The following PHF3 variants were observed in gnomAD, a reference collection of about 807,000 sequenced individuals.
The protein encoded by PHF3 is PHD finger protein 3.
Under a neutral mutation model 178.4 loss-of-function variants are expected in PHF3, and 41 were observed. The observed-to-expected ratio is 0.23, with a 90% confidence interval of 0.18 to 0.30. PHF3 has a LOEUF of 0.30. Among genes scored for constraint, PHF3 ranks in the 10% least tolerant of loss-of-function variants. The pLI, the probability that PHF3 is intolerant of heterozygous loss-of-function variation, is 1.00. For synonymous variants in PHF3, 842 were observed against 800.5 expected (o/e 1.05, Z -0.88); for missense variants, 2,346 against 2,398.1 (o/e 0.98, Z 0.45).
At chr6:63,693,216 TAATC>T (rs1767082100) in intron 5 of PHF3, among the ~76,000 whole-genome samples, 1 of 152,250 alleles carries the variant, frequency 6.6e-6, no homozygotes, top group South Asian at 2.1e-4. Flanking sequence ...CTAGTATTAA[TAATC>T]ACCTCTTACG....
chr6:63,666,764 T>C (rs560336152), intron 2 of PHF3, among the ~76,000 whole-genome samples: 4 of 152,044 alleles, frequency 2.6e-5, no homozygotes, highest in Non-Finnish European at 5.9e-5. Context: ...CCTTTTTTTT[T>C]TTTTTGAGAT....
rs988071101 is a variant in PHF3 at position 63,723,074 on chromosome 6, A to G, written c.*9366A>G. Among the ~76,000 whole-genome samples the G allele has an allele frequency of 1.3e-5, 2 of 152,158 alleles. No individual in the cohort carries two copies. Among genetic ancestry groups the G allele is most frequent in the Non-Finnish European group, 2.9e-5 (2 of 68,038 alleles). On this transcript the variant is annotated 3_prime_UTR_variant, in exon 16 of 16. Coordinates refer to ENST00000262043, the MANE Select transcript of PHF3 (RefSeq NM_001370348.2). ...ATAAATAGATGCTAAATAATTATTAAATAAAGAAATACGTTTGTAGGGTTG... is the reference window on the plus strand; with the variant it reads ...ATAAATAGATGCTAAATAATTATTAGATAAAGAAATACGTTTGTAGGGTTG...
chr6:63,637,129 A>G (rs1010371097), intron 1 of PHF3, among the ~76,000 whole-genome samples: 2 of 152,228 alleles, frequency 1.3e-5, no homozygotes, highest in African/African-American at 4.8e-5. Flanking sequence ...ATGTAGCGAT[A>G]TTTAATTTAA....
At chr6:63,676,894 T>A (rs955374596) in intron 2 of PHF3, among the ~76,000 whole-genome samples, 8 of 152,162 alleles carry the variant, frequency 5.3e-5, no homozygotes, top group South Asian at 4.1e-4. Context: ...GAGTAGCATG[T>A]TAGCTGGTCA....
At position 63,712,862 on chromosome 6, in the gene PHF3, A is replaced by G. The variant is rs778618850; in HGVS notation, c.5274A>G (p.Ser1758=). 6.2e-7 allele frequency: 1 copy of G among 1,613,968 alleles called. No homozygotes were observed. Among genetic ancestry groups the G allele is most frequent in the Non-Finnish European group, 8.5e-7 (1 of 1,179,974 alleles). ...CTGTGCACCCATTTCGAAGAGGATCAGCAGTAGCGACATCTCATTTTGAAG... is the reference window on the plus strand; with the variant it reads ...CTGTGCACCCATTTCGAAGAGGATCGGCAGTAGCGACATCTCATTTTGAAG... ...IETVHPFRRG[S]AVATSHFEVG... Residue 1758 remains serine (S), a synonymous_variant, in exon 16 of 16, where the codon TCA becomes TCG. Transcript: ENST00000262043.
chr6:63,695,060 TGAG>T (rs2149595023), intron 6 of PHF3, among the ~76,000 whole-genome samples: 1 of 152,240 alleles, frequency 6.6e-6, no homozygotes, highest in Admixed American at 6.5e-5. Flanking sequence ...TTTTACAGCT[TGAG>T]AAGAAAAAGT....
At chr6:63,655,106 C>T (rs1201557006) in intron 2 of PHF3, among the ~76,000 whole-genome samples, 2 of 151,950 alleles carry the variant, frequency 1.3e-5, no homozygotes, top group Non-Finnish European at 2.9e-5. Context: ...TCTTGTTGCT[C>T]AGGCTGTAGT....
At chr6:63,673,760 C>G (rs1343262629) in intron 2 of PHF3, among the ~76,000 whole-genome samples, 1 of 152,234 alleles carries the variant, frequency 6.6e-6, no homozygotes, top group Non-Finnish European at 1.5e-5. Context: ...AACTGAAAGT[C>G]TAACCTACCA....
At chr6:63,667,709 T>C (rs1765739533) in intron 2 of PHF3, among the ~76,000 whole-genome samples, 1 of 152,236 alleles carries the variant, frequency 6.6e-6, no homozygotes, top group Admixed American at 6.5e-5. Flanking sequence ...GTCTCTGCAC[T>C]CCTTTTTCCA....
intron 1 of PHF3, among the ~76,000 whole-genome samples, chr6:63,637,771 C>T (rs1307809441): frequency 6.6e-6 from 1 of 152,006 alleles, no homozygotes; most frequent in Admixed American, 6.6e-5. Flanking sequence ...AGTCCCGAAA[C>T]GGGCTACTTT....
Position 63,684,756 on chromosome 6 carries a change from C to T in PHF3, c.1034C>T (p.Ser345Phe). The change falls in exon 4 of 16, where the codon TCT becomes TTT. Residue 345 changes from serine (S) to phenylalanine (F), a missense_variant. Physicochemically the swap from Ser to Phe is radical, Grantham distance 155. Around this residue, in one of 8 missense-constraint regions of PHF3, gnomAD observed 843 missense variants for 795.2 expected, o/e 1.06. Transcript: ENST00000262043. ...ILEDAGSSDI[S>F]SDAACTNPNK... Reference sequence around the variant, plus strand: ...GAGGACGCTGGATCTTCTGATATTTCTAGTGATGCTGCTTGTACAAATCCA... The same window carrying T: ...GAGGACGCTGGATCTTCTGATATTTTTAGTGATGCTGCTTGTACAAATCCA... 1.2e-6 allele frequency: 2 copies of T among 1,613,944 alleles called. No individual in the cohort carries two copies. The highest frequency in any genetic ancestry group is 1.7e-5 in the Admixed American group (1 of 60,020).
At chr6:63,673,583 A>T (rs1389551042) in intron 2 of PHF3, among the ~76,000 whole-genome samples, 1 of 152,212 alleles carries the variant, frequency 6.6e-6, no homozygotes, top group Non-Finnish European at 1.5e-5. Context: ...TACAACAATC[A>T]GTAAATTGAT....
chr6:63,709,164 G>A lies in PHF3; in HGVS notation c.3725G>A (p.Ser1242Asn). The change falls in exon 14 of 16, where the codon AGT becomes AAT. Residue 1242 changes from serine (S) to asparagine (N), a missense_variant. Coordinates refer to ENST00000262043, the MANE Select transcript of PHF3 (RefSeq NM_001370348.2). ...TTTTAACCATAGGACCTACCAGATA[G>A]TATTCAAGTAGGTGGCAGGATATCA... is the stretch of plus-strand genomic sequence containing the variant. Reference protein sequence around the residue: ...PEYLTEDLPDSIQVGGRISPQ... With the variant: ...PEYLTEDLPDNIQVGGRISPQ... The A allele has an allele frequency of 4.4e-6, 7 of 1,579,644 alleles. No individual in the cohort carries two copies. The highest frequency in any genetic ancestry group is 5.2e-6 in the Non-Finnish European group (6 of 1,153,156).
intron 3 of PHF3, among the ~76,000 whole-genome samples, chr6:63,680,782 T>C (rs1456485954): frequency 6.6e-6 from 1 of 152,068 alleles, no homozygotes; most frequent in Non-Finnish European, 1.5e-5. Context: ...TTCTGTCATA[T>C]CCATTTTATT....
In PHF3 at chr6:63,706,375, C is replaced by T. The variant is rs1767693243; in HGVS notation, c.3563+151C>T. 4 of 613,572 alleles carry T rather than the reference C, an allele frequency of 6.5e-6. No individual in the cohort carries two copies. The Admixed American group carries it at 1.3e-4, about 20-fold the overall frequency. 38.0% of individuals were successfully genotyped at this position (613,572 alleles called of 1,614,324 possible). A position where few individuals can be genotyped will look rare whatever the true frequency, so the allele number is the denominator to read the frequency against. Reference sequence around the variant, plus strand: ...TCCTGTACTTTGAGATAAAACAAGACTTCGAAAATAAATATATTTGGAGTG... The same window carrying T: ...TCCTGTACTTTGAGATAAAACAAGATTTCGAAAATAAATATATTTGGAGTG... On this transcript the variant is annotated intron_variant, in intron 12 of 15. Coordinates refer to ENST00000262043, the MANE Select transcript of PHF3 (RefSeq NM_001370348.2).
intron 1 of PHF3, among the ~76,000 whole-genome samples, chr6:63,645,002 G>T (rs1199360637): frequency 2.0e-5 from 3 of 151,378 alleles, no homozygotes; most frequent in Admixed American, 1.3e-4. Flanking sequence ...CAACTCAGCC[G>T]CCCGAGTGAC....
In PHF3 at chr6:63,720,133, T is replaced by C. The variant is rs1303984075; in HGVS notation, c.*6425T>C. 1.2e-5 allele frequency: 2 copies of C among 165,650 alleles called. No homozygotes were observed. Among genetic ancestry groups the C allele is most frequent in the East Asian group, 3.3e-4 (2 of 5,980 alleles). 10.3% of individuals were successfully genotyped at this position (165,650 alleles called of 1,614,324 possible). A position where few individuals can be genotyped will look rare whatever the true frequency, so the allele number is the denominator to read the frequency against. On this transcript the variant is annotated 3_prime_UTR_variant, in exon 16 of 16. Transcript: ENST00000262043. Reference sequence around the variant, plus strand: ...TGTAGCTAAGCCATGTAATACAATATGGTTACATTGCTTTGTATAATTTTT... The same window carrying C: ...TGTAGCTAAGCCATGTAATACAATACGGTTACATTGCTTTGTATAATTTTT...
intron 9 of PHF3, among the ~76,000 whole-genome samples, chr6:63,700,708 C>CA (rs1371634868): frequency 4.6e-5 from 7 of 152,106 alleles, no homozygotes; most frequent in African/African-American, 9.7e-5. Flanking sequence ...CTCAGCCTCC[C>CA]AAGTAGCTGG....
intron 2 of PHF3, among the ~76,000 whole-genome samples, chr6:63,651,313 G>A (rs978098423): frequency 1.3e-5 from 2 of 152,100 alleles, no homozygotes; most frequent in African/African-American, 4.8e-5. Flanking sequence ...ACCCTGTAGT[G>A]TTAATGGAGT....
Sources: allele counts gnomAD v4.1 joint callset (sites outside exome capture counted in the v4.1 genomes callset), GRCh38; gene constraint gnomAD v4.1.1; regional missense constraint gnomAD v4.1.1; transcripts MANE v1.5; gene names NCBI Gene and HGNC (gene_info 2026-07-23, HGNC 2026-07-21).